ADAMTSL1: variants seen among roughly 807,000 people sequenced by gnomAD.
ADAMTSL1 encodes ADAMTS-like protein 1.
ADAMTSL1 carries 126 observed loss-of-function variants against 201.8 expected under a neutral mutation model. The ratio of observed to expected loss-of-function variants is 0.62; its 90% CI spans 0.54 to 0.72. The LOEUF (loss-of-function observed/expected upper bound fraction) is 0.72. Ranked by LOEUF, ADAMTSL1 falls within the 30% of genes least tolerant of loss-of-function variation. The pLI, the probability that ADAMTSL1 is intolerant of heterozygous loss-of-function variation, is 0.00. For synonymous variants in ADAMTSL1, 1,121 were observed against 903.4 expected, an observed-to-expected ratio of 1.24 and a Z score of -4.32; for missense variants, 2,679 against 2,277.8, an observed-to-expected ratio of 1.18 and a Z score of -3.59.
At chr9:18,528,724 T>C (rs951935958) in intron 2 of ADAMTSL1, among the ~76,000 whole-genome samples, 1 of 152,224 alleles carries the variant, frequency 6.6e-6, no homozygotes, top group Non-Finnish European at 1.5e-5. Flanking sequence ...TATTTTGTTC[T>C]TTCATACTTG....
intron 2 of ADAMTSL1, among the ~76,000 whole-genome samples, chr9:18,170,031 G>T (rs1057084310): frequency 6.6e-6 from 1 of 151,944 alleles, no homozygotes; most frequent in African/African-American, 2.4e-5. Context: ...TGAGTTATAT[G>T]ATATTACAAA....
At chr9:18,693,717 C>A (rs1188501801) in intron 13 of ADAMTSL1, among the ~76,000 whole-genome samples, 1 of 152,088 alleles carries the variant, frequency 6.6e-6, no homozygotes. Flanking sequence ...TATTGAGCTG[C>A]TATTATGTGA....
chr9:18,192,853 T>C (rs1829023687), intron 2 of ADAMTSL1, among the ~76,000 whole-genome samples: 1 of 152,184 alleles, frequency 6.6e-6, no homozygotes, highest in South Asian at 2.1e-4. Flanking sequence ...ATTTATGCAA[T>C]ATGCATTTAT....
At chr9:17,981,444 G>T (rs939775083) in intron 1 of ADAMTSL1, among the ~76,000 whole-genome samples, 1 of 152,104 alleles carries the variant, frequency 6.6e-6, no homozygotes, top group Non-Finnish European at 1.5e-5. Context: ...GTCACTACAG[G>T]TCTCTTTCTG....
At chr9:18,799,093 C>T (rs2131069434) in intron 20 of ADAMTSL1, among the ~76,000 whole-genome samples, 1 of 152,228 alleles carries the variant, frequency 6.6e-6, no homozygotes, top group Non-Finnish European at 1.5e-5. Context: ...GAACTCACAG[C>T]CATTTAGACC....
At chr9:18,022,047 C>G (rs1014426649) in intron 1 of ADAMTSL1, among the ~76,000 whole-genome samples, 9 of 152,076 alleles carry the variant, frequency 5.9e-5, no homozygotes, top group Non-Finnish European at 1.2e-4. Flanking sequence ...TACACAGCCT[C>G]TAACATTCAC....
At chr9:18,514,918 A>G (rs1290106993) in intron 2 of ADAMTSL1, among the ~76,000 whole-genome samples, 1 of 152,202 alleles carries the variant, frequency 6.6e-6, no homozygotes, top group Non-Finnish European at 1.5e-5. Flanking sequence ...CTTTTCACAT[A>G]TGGCCTTAGT....
intron 2 of ADAMTSL1, among the ~76,000 whole-genome samples, chr9:18,303,014 G>A (rs945448411): frequency 1.3e-5 from 2 of 152,158 alleles, no homozygotes. Context: ...CATAAGAAAA[G>A]ATGCAGAGAA....
intron 20 of ADAMTSL1, among the ~76,000 whole-genome samples, chr9:18,797,713 T>C (rs956842128): frequency 1.3e-5 from 2 of 152,220 alleles, no homozygotes; most frequent in African/African-American, 4.8e-5. Flanking sequence ...ATTGAGTCTC[T>C]GTTCTCATCT....
chr9:18,376,221 C>T (rs1837290403), intron 2 of ADAMTSL1, among the ~76,000 whole-genome samples: 1 of 152,048 alleles, frequency 6.6e-6, no homozygotes, highest in African/African-American at 2.4e-5. Context: ...TCTTGTAAGC[C>T]TTAGAGTTTA....
chr9:18,235,639 T>C (rs78596669), intron 2 of ADAMTSL1, among the ~76,000 whole-genome samples: 4,694 of 152,312 alleles, frequency 0.031, 104 homozygotes, highest in Non-Finnish European at 0.049. Flanking sequence ...TATTTCCATT[T>C]TATAGGTGGG....
chr9:18,102,338 T>G (rs955378266), intron 1 of ADAMTSL1, among the ~76,000 whole-genome samples: 2 of 152,240 alleles, frequency 1.3e-5, no homozygotes, highest in Non-Finnish European at 2.9e-5. Flanking sequence ...GTCTGAAAAT[T>G]AATTTATTTC....
chr9:18,263,833 C>T (rs1280300037), intron 2 of ADAMTSL1, among the ~76,000 whole-genome samples: 1 of 152,102 alleles, frequency 6.6e-6, no homozygotes, highest in East Asian at 1.9e-4. Flanking sequence ...ATGGTAGCCG[C>T]CAACAAGCCA....
At chr9:18,590,602 C>G (rs1218649110) in intron 4 of ADAMTSL1, among the ~76,000 whole-genome samples, 3 of 151,758 alleles carry the variant, frequency 2.0e-5, no homozygotes, top group Non-Finnish European at 4.4e-5. Context: ...TGAGATGCAT[C>G]ATTAGGTTGT....
chr9:17,986,640 A>C (rs73643485), intron 1 of ADAMTSL1, among the ~76,000 whole-genome samples: 10 of 152,184 alleles, frequency 6.6e-5, no homozygotes, highest in Non-Finnish European at 1.2e-4. Flanking sequence ...AAATTATGCT[A>C]TATGTCCTTA....
intron 1 of ADAMTSL1, among the ~76,000 whole-genome samples, chr9:18,099,355 A>ATATATATTTTTTTTTTT (rs1239180390): frequency 1.3e-4 from 6 of 45,544 alleles, no homozygotes; most frequent in African/African-American, 4.1e-4. Context: ...ATATATATAT[A>ATATATATTTTTTTTTTT]TTTTTTTTTT....
chr9:18,321,634 A>G (rs908818279), intron 2 of ADAMTSL1, among the ~76,000 whole-genome samples: 2 of 152,170 alleles, frequency 1.3e-5, no homozygotes, highest in Non-Finnish European at 2.9e-5. Flanking sequence ...TCTACCAGAA[A>G]CACAAAAAAT....
chr9:18,768,644 C>T (rs981860952), intron 16 of ADAMTSL1, among the ~76,000 whole-genome samples: 1 of 151,954 alleles, frequency 6.6e-6, no homozygotes, highest in Admixed American at 6.6e-5. Flanking sequence ...AGGTTTCTCA[C>T]CATTGATTTT....
At chr9:18,019,424 A>C (rs1468547791) in intron 1 of ADAMTSL1, among the ~76,000 whole-genome samples, 1 of 152,156 alleles carries the variant, frequency 6.6e-6, no homozygotes, top group Non-Finnish European at 1.5e-5. Flanking sequence ...AGATGAAGCT[A>C]AGAGTGTGAC....
Sources: gnomAD v4.1 joint callset for allele counts (sites outside exome capture counted in the v4.1 genomes callset) on GRCh38, gnomAD v4.1.1 for gene constraint, MANE v1.5 for transcripts, NCBI Gene and HGNC (gene_info 2026-07-23, HGNC 2026-07-21) for gene names.